Variants in RNFT2 observed in about 807,000 individuals in gnomAD.
RNFT2 encodes the protein ring finger protein, transmembrane 2.
Under a neutral mutation model 53.0 loss-of-function variants are expected in RNFT2, and 36 were observed. That is an observed-to-expected ratio of 0.68 (90% CI 0.52 to 0.90). The LOEUF (loss-of-function observed/expected upper bound fraction) is 0.90, where lower values mean the gene tolerates loss of function less well. RNFT2 is among the 40% of genes least tolerant of loss of function. The pLI is 0.00. For synonymous variants in RNFT2, 260 were observed against 253.2 expected (o/e 1.03, Z -0.26); for missense variants, 514 against 585.6 (o/e 0.88, Z 1.26).
chr12:116,833,111 G>T (rs1031343099), intron 7 of RNFT2, among the ~76,000 whole-genome samples: 1 of 151,936 alleles, frequency 6.6e-6, no homozygotes, highest in Non-Finnish European at 1.5e-5. Flanking sequence ...TAGAGTTGGG[G>T]GTTCGCCATG....
At chr12:116,793,196 A>G (rs1874335196) in intron 7 of RNFT2, among the ~76,000 whole-genome samples, 1 of 145,604 alleles carries the variant, frequency 6.9e-6, no homozygotes, top group South Asian at 2.1e-4. Flanking sequence ...ACTTGTCATT[A>G]CATATCCAGA....
At chr12:116,820,336 C>A (rs1272392696) in intron 7 of RNFT2, among the ~76,000 whole-genome samples, 1 of 152,198 alleles carries the variant, frequency 6.6e-6, no homozygotes, top group African/African-American at 2.4e-5. Flanking sequence ...CCTGCCTCGG[C>A]CTCCCGTAGT....
intron 10 of RNFT2, among the ~76,000 whole-genome samples, chr12:116,846,487 G>A (rs528122217): frequency 1.6e-3 from 232 of 146,870 alleles, no homozygotes; most frequent in African/African-American, 5.2e-3. Context: ...AGGAAGTCTC[G>A]CCATGTTGCC....
chr12:116,787,959 C>T (rs1874013330), intron 7 of RNFT2, among the ~76,000 whole-genome samples: 1 of 152,158 alleles, frequency 6.6e-6, no homozygotes. Context: ...TGGAGTGTCG[C>T]TCTTGTTGCC....
At chr12:116,775,058 T>C (rs537954251) in intron 6 of RNFT2, among the ~76,000 whole-genome samples, 16 of 151,740 alleles carry the variant, frequency 1.1e-4, no homozygotes, top group African/African-American at 3.6e-4. Flanking sequence ...GGTCAGGAGT[T>C]TGAACCAGCC....
rs1555209702 is a variant in RNFT2 at position 116,832,148 on chromosome 12, A to AAAAATATATATATAT, written c.883-1643_883-1642insAAATATATATATATA. 9.2e-4 allele frequency among the ~76,000 whole-genome samples: 51 copies of AAAAATATATATATAT among 55,164 alleles called. 1 individual carries two copies. The highest frequency in any genetic ancestry group is 3.6e-3 in the African/African-American group (51 of 14,274). 36.2% of individuals were successfully genotyped at this position (55,164 alleles called of 152,430 possible). On this transcript the variant is annotated intron_variant, in intron 7 of 10. Transcript: ENST00000257575. ...CTTGTCTCAAAAAAAAAAAAAAAAA[A>AAAAATATATATATAT]ATATATATATATATATATATATCTT...
intron 7 of RNFT2, among the ~76,000 whole-genome samples, chr12:116,795,395 G>A (rs1874455749): frequency 6.6e-6 from 1 of 150,608 alleles, no homozygotes; most frequent in African/African-American, 2.4e-5. Flanking sequence ...GCGGCAGAGT[G>A]AGACTCCATC....
chr12:116,833,727 C>G (rs1371325494), intron 7 of RNFT2, 65 bp from the exon 8 acceptor site: 2 of 1,566,522 alleles, frequency 1.3e-6, no homozygotes, highest in Non-Finnish European at 8.7e-7. Flanking sequence ...GGGCGGGGGG[C>G]CCCCCAGCTG....
chr12:116,840,548 T>G (rs1423480130), intron 10 of RNFT2, among the ~76,000 whole-genome samples: 2 of 152,208 alleles, frequency 1.3e-5, no homozygotes, highest in East Asian at 3.8e-4. Flanking sequence ...GCACGTTGCC[T>G]CCTCGGAATG....
chr12:116,845,522 G>A (rs1240002047), intron 10 of RNFT2, among the ~76,000 whole-genome samples: 1 of 152,138 alleles, frequency 6.6e-6, no homozygotes, highest in Non-Finnish European at 1.5e-5. Flanking sequence ...AGCTGGTCAA[G>A]ATGGAGAAAG....
At chr12:116,750,824 TATATAA>T (rs1872169852) in intron 4 of RNFT2, among the ~76,000 whole-genome samples, 9 of 25,212 alleles carry the variant, frequency 3.6e-4, no homozygotes, top group Admixed American at 2.9e-3. Context: ...ATATATTATA[TATATAA>T]TATATATATT....
chr12:116,790,342 G>A (rs572111237), intron 7 of RNFT2, among the ~76,000 whole-genome samples: 46 of 151,882 alleles, frequency 3.0e-4, no homozygotes, highest in African/African-American at 1.1e-3. Flanking sequence ...GGATACATCA[G>A]TGAACCAGTA....
At position 116,846,696 on chromosome 12, in the gene RNFT2, A is replaced by G. The variant is rs1368326857; in HGVS notation, c.1201-2618A>G. 3.3e-5 allele frequency among the ~76,000 whole-genome samples: 5 copies of G among 152,130 alleles called. 1 individual carries two copies. The highest frequency in any genetic ancestry group is 4.8e-5 in the African/African-American group (2 of 41,430). ...AATTTCAAACCTGCAGGAAAGTTGC[A>G]TGAAACTCTTCTATTCTTCATCCAG... On this transcript the variant is annotated intron_variant, in intron 10 of 10. Coordinates refer to ENST00000257575, the MANE Select transcript of RNFT2 (RefSeq NM_001382266.1).
intron 7 of RNFT2, among the ~76,000 whole-genome samples, chr12:116,811,374 T>TC (rs1373393566): frequency 9.8e-4 from 3 of 3,062 alleles, no homozygotes; most frequent in Non-Finnish European, 4.8e-3. Context: ...AATGGGTGTA[T>TC]TTTTTTTTTT....
intron 6 of RNFT2, among the ~76,000 whole-genome samples, chr12:116,771,873 G>T (rs532094033): frequency 4.6e-5 from 7 of 152,152 alleles, no homozygotes; most frequent in African/African-American, 1.7e-4. Context: ...CTTTTGAAAC[G>T]AGACGCTTCC....
chr12:116,832,335 G>C (rs1876716085), intron 7 of RNFT2, among the ~76,000 whole-genome samples: 1 of 151,870 alleles, frequency 6.6e-6, no homozygotes, highest in African/African-American at 2.4e-5. Context: ...TTCCATGACT[G>C]TCTTCTTTGA....
chr12:116,845,274 TAGAGAGAGAGAG>T (rs3069215), intron 10 of RNFT2, among the ~76,000 whole-genome samples: 3 of 125,428 alleles, frequency 2.4e-5, no homozygotes, highest in African/African-American at 6.7e-5. Flanking sequence ...TATATATATA[TAGAGAGAGAGAG>T]AGAGAGAGAG....
At chr12:116,757,339 T>C (rs1033849644) in intron 5 of RNFT2, among the ~76,000 whole-genome samples, 7 of 152,184 alleles carry the variant, frequency 4.6e-5, no homozygotes, top group African/African-American at 1.7e-4. Context: ...GCTCTGATCT[T>C]GGTTATTTCC....
At position 116,842,676 on chromosome 12, in the gene RNFT2, C is replaced by T. The variant is rs1003483326; in HGVS notation, c.1200+6394C>T. Among the ~76,000 whole-genome samples the T allele has an allele frequency of 4.6e-5, 7 of 152,198 alleles. No individual in the cohort carries two copies. In the East Asian group the frequency reaches 7.7e-4, roughly 17 times the overall value. ...GCAACCTCTGCCTCCCGAGTTCAAG[C>T]GATTCTCCTGCCTCAGCCTCCCGAA... is the stretch of plus-strand genomic sequence containing the variant. On this transcript the variant is annotated intron_variant, in intron 10 of 10. Transcript: ENST00000257575.
Sources: allele counts gnomAD v4.1 joint callset (sites outside exome capture counted in the v4.1 genomes callset), GRCh38; gene constraint gnomAD v4.1.1; transcripts MANE v1.5; gene names NCBI Gene and HGNC (gene_info 2026-07-23, HGNC 2026-07-21).